Variants in ATRNL1 observed in about 807,000 individuals in gnomAD.
The protein encoded by ATRNL1 is attractin like 1, also known as attractin-like protein 1.
In ATRNL1, 95 loss-of-function variants were observed where a neutral mutation model predicts 182.7. The ratio of observed to expected loss-of-function variants is 0.52; its 90% confidence interval spans 0.44 to 0.62. ATRNL1 has a LOEUF of 0.62. ATRNL1 is among the 20% of genes least tolerant of loss of function. The pLI is 0.00. For missense variants in ATRNL1, 1,471 were observed against 1,679.5 expected, an observed-to-expected ratio of 0.88 and a Z score of 2.17; for synonymous variants, 576 against 568.3, an observed-to-expected ratio of 1.01 and a Z score of -0.19.
At chr10:115,102,117 T>C (rs1843793249) in intron 1 of ATRNL1, among the ~76,000 whole-genome samples, 1 of 152,222 alleles carries the variant, frequency 6.6e-6, no homozygotes, top group Non-Finnish European at 1.5e-5. Flanking sequence ...TCAGTTATAA[T>C]TTTGTATTTA....
chr10:115,616,827 G>A (rs528892099), intron 26 of ATRNL1, among the ~76,000 whole-genome samples: 2 of 152,234 alleles, frequency 1.3e-5, no homozygotes, highest in Non-Finnish European at 2.9e-5. Flanking sequence ...AGATTTCAGA[G>A]GATGTGTGAG....
intron 27 of ATRNL1, among the ~76,000 whole-genome samples, chr10:115,799,879 C>T (rs1555083916): frequency 2.0e-5 from 3 of 152,130 alleles, no homozygotes; most frequent in Non-Finnish European, 4.4e-5. Flanking sequence ...ATCTCTAATG[C>T]TCACAGTAAC....
intron 26 of ATRNL1, among the ~76,000 whole-genome samples, chr10:115,622,927 G>GA (rs111620844): frequency 0.023 from 3,460 of 148,142 alleles, 112 homozygotes; most frequent in African/African-American, 0.08. Context: ...ACTGTGTCTC[G>GA]AAAAAAAAAT....
At chr10:115,704,841 C>T (rs1412523847) in intron 26 of ATRNL1, among the ~76,000 whole-genome samples, 1 of 151,610 alleles carries the variant, frequency 6.6e-6, no homozygotes, top group Admixed American at 6.6e-5. Flanking sequence ...AGTCTTTCTG[C>T]TTATTATATC....
At chr10:115,676,583 T>C (rs1945868334) in intron 26 of ATRNL1, among the ~76,000 whole-genome samples, 1 of 151,590 alleles carries the variant, frequency 6.6e-6, no homozygotes, top group Admixed American at 6.6e-5. Context: ...TATCTGTATA[T>C]GTATATATAT....
At chr10:115,621,137 C>G (rs1040708348) in intron 26 of ATRNL1, among the ~76,000 whole-genome samples, 4 of 151,216 alleles carry the variant, frequency 2.6e-5, no homozygotes, top group African/African-American at 9.7e-5. Context: ...AAAGAAAAAT[C>G]AGCAGATTCA....
intron 26 of ATRNL1, among the ~76,000 whole-genome samples, chr10:115,686,665 A>G (rs1438481375): frequency 6.6e-6 from 1 of 152,064 alleles, no homozygotes; most frequent in African/African-American, 2.4e-5. Context: ...AAACCAGCAC[A>G]TATCAAATAT....
intron 8 of ATRNL1, among the ~76,000 whole-genome samples, chr10:115,201,863 G>C (rs1263705935): frequency 6.6e-6 from 1 of 152,178 alleles, no homozygotes; most frequent in African/African-American, 2.4e-5. Context: ...CCACCCATGA[G>C]CATGGAATAT....
At chr10:115,327,825 T>C (rs1192286524) in intron 18 of ATRNL1, among the ~76,000 whole-genome samples, 6 of 151,808 alleles carry the variant, frequency 4.0e-5, no homozygotes, top group Non-Finnish European at 8.8e-5. Context: ...CTCAGTAAAC[T>C]ATCGCAAGAA....
Position 115,162,553 on chromosome 10 carries a change from C to T in ATRNL1, c.1004+2339C>T, listed in dbSNP as rs1161401156. On this transcript the variant is annotated intron_variant, in intron 6 of 28. Coordinates refer to ENST00000355044, the MANE Select transcript of ATRNL1 (RefSeq NM_207303.4). ...AGGATGTTGTAGATCTTTTGGGAGTCATGGGAGGGTTTTGAGCATGTGTTG... is the reference window on the plus strand; with the variant it reads ...AGGATGTTGTAGATCTTTTGGGAGTTATGGGAGGGTTTTGAGCATGTGTTG... 1.1e-4 allele frequency among the ~76,000 whole-genome samples: 16 copies of T among 151,436 alleles called. No homozygotes were observed. The Admixed American group carries it at 1.1e-3, about 10-fold the overall frequency.
In ATRNL1 at chr10:115,843,774, G is replaced by T. The variant is rs1190287675; in HGVS notation, c.3904-4103G>T. Among the ~76,000 whole-genome samples the T allele has an allele frequency of 2.6e-5, 4 of 152,042 alleles. No individual in the cohort carries two copies. The East Asian group carries it at 7.7e-4, about 29-fold the overall frequency. On this transcript the variant is annotated intron_variant, in intron 27 of 28. Coordinates refer to ENST00000355044, the MANE Select transcript of ATRNL1 (RefSeq NM_207303.4). ...CGTTTTAAGAGTTAATGTCTTTAAA[G>T]AACTTTCTAGTTAGTACCCACTACT...
chr10:115,936,402 C>G (rs1445179659), intron 28 of ATRNL1, among the ~76,000 whole-genome samples: 9 of 152,150 alleles, frequency 5.9e-5, no homozygotes, highest in Non-Finnish European at 1.2e-4. Flanking sequence ...TCCTTGGGGA[C>G]TAAAGCAGTG....
At chr10:115,799,344 G>C (rs1388434875) in intron 27 of ATRNL1, among the ~76,000 whole-genome samples, 5 of 152,186 alleles carry the variant, frequency 3.3e-5, no homozygotes, top group Non-Finnish European at 7.3e-5. Flanking sequence ...TTGGAAAGCA[G>C]CTTTTTCTCC....
At chr10:115,834,155 G>A (rs571005178) in intron 27 of ATRNL1, among the ~76,000 whole-genome samples, 1 of 152,214 alleles carries the variant, frequency 6.6e-6, no homozygotes, top group East Asian at 1.9e-4. Flanking sequence ...CACACCTTTA[G>A]TCCACTCCAA....
chr10:115,823,850 G>T (rs1950361653), intron 27 of ATRNL1, among the ~76,000 whole-genome samples: 2 of 152,124 alleles, frequency 1.3e-5, no homozygotes, highest in Non-Finnish European at 2.9e-5. Context: ...TGGCCATACT[G>T]CCCAAAGTAA....
chr10:115,194,998 T>C (rs1470669335), intron 8 of ATRNL1, among the ~76,000 whole-genome samples: 1 of 152,020 alleles, frequency 6.6e-6, no homozygotes, highest in African/African-American at 2.4e-5. Flanking sequence ...AAAAAAGCTC[T>C]ATACATTCTT....
At chr10:115,472,023 G>C (rs1848331803) in intron 24 of ATRNL1, among the ~76,000 whole-genome samples, 1 of 150,868 alleles carries the variant, frequency 6.6e-6, no homozygotes, top group African/African-American at 2.4e-5. Context: ...GTTGATTTTT[G>C]TGTATGGTAT....
rs1854065361 is a variant in ATRNL1 at position 115,312,107 on chromosome 10, A to T, written c.2819-3411A>T. Among the ~76,000 whole-genome samples the T allele has an allele frequency of 2.6e-5, 4 of 152,084 alleles. 1 individual carries two copies. In the South Asian group the frequency reaches 6.2e-4, roughly 24 times the overall value. ...GGAGCATTTATACCATTTACATGTAACATTAATTTTGAGATGTGGGGTACA... is the reference window on the plus strand; with the variant it reads ...GGAGCATTTATACCATTTACATGTATCATTAATTTTGAGATGTGGGGTACA... On this transcript the variant is annotated intron_variant, in intron 17 of 28. Coordinates refer to ENST00000355044, the MANE Select transcript of ATRNL1 (RefSeq NM_207303.4).
intron 26 of ATRNL1, among the ~76,000 whole-genome samples, chr10:115,715,934 A>G (rs1237343877): frequency 7.2e-5 from 11 of 152,190 alleles, no homozygotes; most frequent in Admixed American, 6.5e-4. Flanking sequence ...AGTTACTCCA[A>G]TGAGCCTGTG....
Sources: gnomAD v4.1 joint callset for allele counts (sites outside exome capture counted in the v4.1 genomes callset) on GRCh38, gnomAD v4.1.1 for gene constraint, MANE v1.5 for transcripts, NCBI Gene and HGNC (gene_info 2026-07-23, HGNC 2026-07-21) for gene names.